ACVR2A: variants seen among roughly 807,000 people sequenced by gnomAD.
ACVR2A encodes activin receptor type-2A.
In ACVR2A, 7 loss-of-function variants were observed where a neutral mutation model predicts 61.4. The observed-to-expected ratio is 0.11, with a 90% confidence interval of 0.06 to 0.21. The LOEUF (loss-of-function observed/expected upper bound fraction) is 0.21. ACVR2A is among the 10% of genes least tolerant of loss of function. The probability of loss-of-function intolerance (pLI) is 1.00; values close to 1 mark genes in which losing one functional copy is unlikely to be tolerated. For missense variants in ACVR2A, 322 were observed against 621.7 expected (o/e 0.52, Z 5.13); for synonymous variants, 193 against 208.3 (o/e 0.93, Z 0.63).
Position 147,899,570 on chromosome 2 carries a change from A to G in ACVR2A, c.373+3A>G, listed in dbSNP as rs1309121011. The G allele has an allele frequency of 6.2e-7, 1 of 1,610,366 alleles. No individual in the cohort carries two copies. The highest frequency in any genetic ancestry group is 8.5e-7 in the Non-Finnish European group (1 of 1,177,264). On this transcript the variant is annotated splice_donor_region_variant and intron_variant, in intron 3 of 10. Transcript: ENST00000241416. ...TCCGGAGATGGAAGTCACACAGCGT[A>G]AGTTCACAGGGAAAATACGTAGGTT...
intron 1 of ACVR2A, among the ~76,000 whole-genome samples, chr2:147,855,722 G>T (rs570893103): frequency 6.6e-6 from 1 of 150,896 alleles, no homozygotes; most frequent in Non-Finnish European, 1.5e-5. Context: ...TAGGCTTCTT[G>T]TGCATATGTG....
intron 4 of ACVR2A, among the ~76,000 whole-genome samples, chr2:147,900,238 C>T (rs917092397): frequency 1.3e-5 from 2 of 152,096 alleles, no homozygotes; most frequent in African/African-American, 4.8e-5. Context: ...TCTTTGCCCT[C>T]TGTCCCCTCC....
chr2:147,909,126 C>T (rs1052892994), intron 4 of ACVR2A, among the ~76,000 whole-genome samples: 14 of 152,138 alleles, frequency 9.2e-5, no homozygotes, highest in African/African-American at 3.1e-4. Flanking sequence ...TAGGATGTCT[C>T]AACTCTGTTT....
intron 4 of ACVR2A, among the ~76,000 whole-genome samples, chr2:147,914,612 C>T (rs897694079): frequency 6.6e-6 from 1 of 151,850 alleles, no homozygotes; most frequent in Non-Finnish European, 1.5e-5. Flanking sequence ...TTAGAATGAA[C>T]CAGTTTGGTT....
chr2:147,892,021 G>A (rs1034208074), intron 1 of ACVR2A, among the ~76,000 whole-genome samples: 8 of 151,872 alleles, frequency 5.3e-5, no homozygotes, highest in Non-Finnish European at 1.0e-4. Context: ...GCCCAGGCTG[G>A]CGTGCAGTGG....
Position 147,911,326 on chromosome 2 carries a change from C to G in ACVR2A, c.529-3865C>G, listed in dbSNP as rs575087833. Among the ~76,000 whole-genome samples, 4 of 152,218 alleles carry G rather than the reference C, an allele frequency of 2.6e-5. No individual in the cohort carries two copies. In the South Asian group the frequency reaches 8.3e-4, roughly 32 times the overall value. On this transcript the variant is annotated intron_variant, in intron 4 of 10. Coordinates refer to ENST00000241416, the MANE Select transcript of ACVR2A (RefSeq NM_001616.5). The stretch of plus-strand genomic sequence containing the variant: ...TTTGTTTACCACCTATCTCTCATAT[C>G]TAAGGGGTTCTTTTTGATATTACTT...
chr2:147,865,151 G>C (rs763841216), intron 1 of ACVR2A, among the ~76,000 whole-genome samples: 50 of 152,216 alleles, frequency 3.3e-4, no homozygotes, highest in Admixed American at 1.6e-3. Context: ...AAACCACCAC[G>C]AGGATAGGGA....
chr2:147,878,830 G>A (rs982831001), intron 1 of ACVR2A, among the ~76,000 whole-genome samples: 3 of 152,036 alleles, frequency 2.0e-5, no homozygotes, highest in Admixed American at 2.0e-4. Context: ...GATCAATTGA[G>A]CCCAGCAGGT....
At chr2:147,898,084 G>C (rs191765422) in intron 2 of ACVR2A, among the ~76,000 whole-genome samples, 4 of 152,244 alleles carry the variant, frequency 2.6e-5, no homozygotes, top group Admixed American at 2.6e-4. Flanking sequence ...AAAGAGTAGT[G>C]AGCCATTTTC....
At chr2:147,898,217 C>G (rs1686788696) in intron 2 of ACVR2A, 1 of 151,586 alleles carries the variant, frequency 6.6e-6, no homozygotes, top group African/African-American at 2.4e-5. Flanking sequence ...TTTTTATACT[C>G]TAAATTTGAT....
rs930573074 is a variant in ACVR2A, at chr2:147,928,123, A to G, written c.*849A>G. The G allele has an allele frequency of 2.0e-5, 3 of 152,214 alleles. No individual in the cohort carries two copies. The highest frequency in any genetic ancestry group is 6.6e-5 in the Admixed American group (1 of 15,156). The allele number at this position is 152,214 out of a possible 1,614,324, so 9.4% of individuals were successfully genotyped here. On this transcript the variant is annotated 3_prime_UTR_variant, in exon 11 of 11. Coordinates refer to ENST00000241416, the MANE Select transcript of ACVR2A (RefSeq NM_001616.5). ...CCTTCTTCCCATGTTTTAAAGCCCCATCTTATATCCAGTTCCCAAAATTTG... is the reference window on the plus strand; with the variant it reads ...CCTTCTTCCCATGTTTTAAAGCCCCGTCTTATATCCAGTTCCCAAAATTTG...
At chr2:147,866,202 G>T (rs1252461388) in intron 1 of ACVR2A, among the ~76,000 whole-genome samples, 1 of 152,182 alleles carries the variant, frequency 6.6e-6, no homozygotes, top group Non-Finnish European at 1.5e-5. Flanking sequence ...TCAAAGCAGT[G>T]TATGTAAGGG....
intron 1 of ACVR2A, among the ~76,000 whole-genome samples, chr2:147,867,826 C>T (rs143645420): frequency 1.3e-5 from 2 of 152,186 alleles, no homozygotes; most frequent in South Asian, 2.1e-4. Context: ...CATTTCCTGC[C>T]ACTCACTGCC....
Position 147,917,387 on chromosome 2 carries a change from T to C in ACVR2A, c.777T>C (p.Val259=), listed in dbSNP as rs1687271366. The change falls in exon 6 of 11, where the codon GTT becomes GTC. Residue 259 remains valine (V), a synonymous_variant. Transcript: ENST00000241416. ...FIGAEKRGTS[V]DVDLWLITAF... ...GTGCAGAAAAACGAGGCACCAGTGT[T>C]GATGTGGATCTTTGGCTGATCACAG... 6.2e-7 allele frequency: 1 copy of C among 1,612,462 alleles called. No homozygotes were observed. Among genetic ancestry groups the C allele is most frequent in the South Asian group, 1.1e-5 (1 of 90,984 alleles).
chr2:147,888,648 C>T (rs1027234794), intron 1 of ACVR2A, among the ~76,000 whole-genome samples: 1 of 147,668 alleles, frequency 6.8e-6, no homozygotes, highest in African/African-American at 2.5e-5. Flanking sequence ...TTACTTAATT[C>T]GCTTATTAGT....
chr2:147,894,486 T>TA (rs1329587938), intron 1 of ACVR2A, among the ~76,000 whole-genome samples: 2 of 152,136 alleles, frequency 1.3e-5, no homozygotes, highest in Non-Finnish European at 2.9e-5. Flanking sequence ...GATTTTTTTT[T>TA]AACCCATGAA....
chr2:147,882,037 T>C (rs1168007615), intron 1 of ACVR2A, among the ~76,000 whole-genome samples: 1 of 152,164 alleles, frequency 6.6e-6, no homozygotes, highest in Non-Finnish European at 1.5e-5. Flanking sequence ...CCATTACAAA[T>C]TTGCCACTCT....
At chr2:147,887,211 C>CAAA (rs549077029) in intron 1 of ACVR2A, among the ~76,000 whole-genome samples, 1 of 113,992 alleles carries the variant, frequency 8.8e-6, no homozygotes, top group African/African-American at 3.1e-5. Context: ...GATCTTGTCT[C>CAAA]AAAAAAAAAA....
chr2:147,881,081 T>C (rs1161076810), intron 1 of ACVR2A, among the ~76,000 whole-genome samples: 1 of 152,158 alleles, frequency 6.6e-6, no homozygotes, highest in African/African-American at 2.4e-5. Context: ...CATTTTTAAT[T>C]ATTAAAAAGG....
Sources: gnomAD v4.1 joint callset for allele counts (sites outside exome capture counted in the v4.1 genomes callset) on GRCh38, gnomAD v4.1.1 for gene constraint, MANE v1.5 for transcripts, NCBI Gene and HGNC (gene_info 2026-07-23, HGNC 2026-07-21) for gene names.